NELL1: variants seen among roughly 807,000 people sequenced by gnomAD.
The protein encoded by NELL1 is protein kinase C-binding protein NELL1.
In NELL1, 76 loss-of-function variants were observed where a neutral mutation model predicts 107.4. The observed-to-expected ratio is 0.71, with a 90% CI of 0.59 to 0.86. NELL1 has a LOEUF of 0.86. Ranked by LOEUF, NELL1 falls within the 40% of genes least tolerant of loss-of-function variation. NELL1 has a pLI of 0.00. For missense variants in NELL1, 1,024 were observed against 1,005.5 expected (o/e 1.02, Z -0.25); for synonymous variants, 353 against 341.2 (o/e 1.03, Z -0.38).
At chr11:20,691,720 A>G (rs1313250868) in intron 2 of NELL1, among the ~76,000 whole-genome samples, 1 of 151,774 alleles carries the variant, frequency 6.6e-6, no homozygotes, top group Non-Finnish European at 1.5e-5. Context: ...ATCAATGTCC[A>G]TCAAGGATAT....
intron 14 of NELL1, among the ~76,000 whole-genome samples, chr11:21,340,929 A>G (rs1458594563): frequency 6.6e-6 from 1 of 151,986 alleles, no homozygotes; most frequent in African/African-American, 2.4e-5. Flanking sequence ...TAGTAAATCA[A>G]CGTACCTATT....
chr11:21,335,207 A>G (rs1180179046), intron 14 of NELL1, among the ~76,000 whole-genome samples: 2 of 152,030 alleles, frequency 1.3e-5, no homozygotes, highest in African/African-American at 4.8e-5. Flanking sequence ...AATTTTATTC[A>G]TTCTATTTTA....
chr11:21,168,003 C>T (rs912794343), intron 13 of NELL1, among the ~76,000 whole-genome samples: 7 of 151,678 alleles, frequency 4.6e-5, no homozygotes, highest in African/African-American at 1.7e-4. Flanking sequence ...CATTGACTTG[C>T]ACATTTATTT....
At chr11:21,492,227 T>G (rs1854840867) in intron 15 of NELL1, among the ~76,000 whole-genome samples, 1 of 152,018 alleles carries the variant, frequency 6.6e-6, no homozygotes. Flanking sequence ...ATGGCAATCA[T>G]TAAAAAGTCA....
At chr11:21,153,619 A>C (rs181975046) in intron 13 of NELL1, among the ~76,000 whole-genome samples, 12 of 152,250 alleles carry the variant, frequency 7.9e-5, no homozygotes, top group Middle Eastern at 3.4e-3. Context: ...CTGCTAAATA[A>C]TTTAATACAT....
chr11:21,548,825 G>A lies in NELL1; in HGVS notation c.1787-11364G>A, dbSNP rs148552285. 1.5e-3 allele frequency among the ~76,000 whole-genome samples: 233 copies of A among 151,324 alleles called. 2 individuals carry two copies. The highest frequency in any genetic ancestry group is 3.4e-3 in the Middle Eastern group (1 of 292). ...CCTGACAAAAGAATTCTAGTTGTGT[G>A]GCTGGCCCAGGGCAAGTTACTTGAC... is the stretch of plus-strand genomic sequence containing the variant. On this transcript the variant is annotated intron_variant, in intron 16 of 19. Coordinates refer to ENST00000357134, the MANE Select transcript of NELL1 (RefSeq NM_006157.5).
intron 2 of NELL1, among the ~76,000 whole-genome samples, chr11:20,722,210 G>C (rs949934435): frequency 6.6e-6 from 1 of 151,890 alleles, no homozygotes; most frequent in African/African-American, 2.4e-5. Context: ...TAGTAGAGAC[G>C]TGATTTTGCT....
rs1010165073 is a variant in NELL1, at chr11:20,824,185, C to T, written c.336-23398C>T. On this transcript the variant is annotated intron_variant, in intron 3 of 19. Coordinates refer to ENST00000357134, the MANE Select transcript of NELL1 (RefSeq NM_006157.5). ...CTTTCCCCCACTTCGCTCTGTGCTT[C>T]TTATTCCTGCTGCCATGTGAAGAAG... 3.6e-4 allele frequency among the ~76,000 whole-genome samples: 55 copies of T among 151,350 alleles called. 3 individuals carry two copies. The highest frequency in any genetic ancestry group is 2.9e-3 in the Admixed American group (44 of 15,042).
At chr11:21,036,711 A>G (rs1317611929) in intron 12 of NELL1, among the ~76,000 whole-genome samples, 1 of 151,872 alleles carries the variant, frequency 6.6e-6, no homozygotes, top group African/African-American at 2.4e-5. Flanking sequence ...TCATAATTTC[A>G]GTGATCTCTC....
intron 16 of NELL1, among the ~76,000 whole-genome samples, chr11:21,546,319 T>C (rs1457976459): frequency 6.6e-6 from 1 of 152,026 alleles, no homozygotes. Context: ...TTTTTGAGGC[T>C]CAGTGTGAGC....
intron 14 of NELL1, among the ~76,000 whole-genome samples, chr11:21,343,477 T>C (rs1850620218): frequency 6.6e-6 from 1 of 152,132 alleles, no homozygotes; most frequent in Non-Finnish European, 1.5e-5. Flanking sequence ...GTACCCTTCC[T>C]TAATGTTTTT....
chr11:21,256,928 G>GT (rs1413057399), intron 14 of NELL1, among the ~76,000 whole-genome samples: 1 of 151,998 alleles, frequency 6.6e-6, no homozygotes, highest in Non-Finnish European at 1.5e-5. Context: ...TTACAGCTGT[G>GT]CACAGCAGGA....
intron 2 of NELL1, among the ~76,000 whole-genome samples, chr11:20,722,567 T>C (rs1350129160): frequency 1.3e-5 from 2 of 152,230 alleles, no homozygotes; most frequent in African/African-American, 4.8e-5. Context: ...TGGTAATTAT[T>C]CTCATTGTAG....
chr11:21,564,495 C>G lies in NELL1; in HGVS notation c.1980+4113C>G, dbSNP rs1856924549. ...AGGGTCTGCAAGTTGGGCTTGTATA[C>G]TACTACATCTATACCTACATGTACA... On this transcript the variant is annotated intron_variant, in intron 17 of 19. Coordinates refer to ENST00000357134, the MANE Select transcript of NELL1 (RefSeq NM_006157.5). 2.0e-5 allele frequency among the ~76,000 whole-genome samples: 3 copies of G among 151,912 alleles called. No individual in the cohort carries two copies. The South Asian group carries it at 6.2e-4, about 32-fold the overall frequency.
chr11:21,469,297 G>C (rs1854115860), intron 15 of NELL1, among the ~76,000 whole-genome samples: 2 of 151,884 alleles, frequency 1.3e-5, no homozygotes, highest in Non-Finnish European at 2.9e-5. Context: ...GTTTTGTTTT[G>C]CTTCTCTGGT....
intron 2 of NELL1, 58 bp downstream of exon 2, chr11:20,678,118 G>T: frequency 6.3e-7 from 1 of 1,594,482 alleles, no homozygotes; most frequent in South Asian, 1.1e-5. Context: ...GTCTGTCTGG[G>T]GAGTGCTCAT....
chr11:21,293,021 A>G (rs142572852), intron 14 of NELL1, among the ~76,000 whole-genome samples: 4,505 of 152,206 alleles, frequency 0.03, 232 homozygotes, highest in African/African-American at 0.1. Context: ...GCATGGGCAA[A>G]GTCTTCATGA....
chr11:20,956,282 A>C (rs963258753), intron 11 of NELL1, among the ~76,000 whole-genome samples: 13 of 152,306 alleles, frequency 8.5e-5, no homozygotes, highest in African/African-American at 2.9e-4. Context: ...TATTTGAATC[A>C]GAGGCAGAGG....
At chr11:21,141,594 A>G (rs1046646107) in intron 13 of NELL1, among the ~76,000 whole-genome samples, 1 of 152,178 alleles carries the variant, frequency 6.6e-6, no homozygotes, top group Non-Finnish European at 1.5e-5. Context: ...TGATGGTAGT[A>G]TATGAGCCTT....
Sources: gnomAD v4.1 joint callset for allele counts (sites outside exome capture counted in the v4.1 genomes callset) on GRCh38, gnomAD v4.1.1 for gene constraint, MANE v1.5 for transcripts, NCBI Gene and HGNC (gene_info 2026-07-23, HGNC 2026-07-21) for gene names.